NRG3: variants seen among roughly 807,000 people sequenced by gnomAD.
The protein encoded by NRG3 is neuregulin 3, also known as pro-neuregulin-3, membrane-bound isoform.
NRG3 carries 31 observed loss-of-function variants against 66.9 expected under a neutral mutation model. The observed-to-expected ratio is 0.46, with a 90% CI of 0.35 to 0.63. The LOEUF is 0.63. Ranked by LOEUF, NRG3 falls within the 20% of genes least tolerant of loss-of-function variation. NRG3 has a pLI of 0.00. For synonymous variants in NRG3, 393 were observed against 359.4 expected (o/e 1.09, Z -1.06); for missense variants, 910 against 878.9 (o/e 1.04, Z -0.45).
chr10:82,980,860 G>T (rs1392262539), intron 8 of NRG3, among the ~76,000 whole-genome samples: 1 of 152,164 alleles, frequency 6.6e-6, no homozygotes, highest in Admixed American at 6.5e-5. Flanking sequence ...AAGCAGGCTT[G>T]CATTTAACCC....
At chr10:82,305,086 C>T (rs1359029056) in intron 1 of NRG3, among the ~76,000 whole-genome samples, 1 of 145,976 alleles carries the variant, frequency 6.9e-6, no homozygotes, top group East Asian at 2.1e-4. Context: ...GCTCCGCCTC[C>T]TGGGTTCACG....
At chr10:82,314,217 C>T (rs932012144) in intron 1 of NRG3, among the ~76,000 whole-genome samples, 2 of 152,174 alleles carry the variant, frequency 1.3e-5, no homozygotes, top group African/African-American at 4.8e-5. Context: ...CTCTCATTAG[C>T]TTGACAACAG....
intron 2 of NRG3, among the ~76,000 whole-genome samples, chr10:82,453,752 T>G (rs2091138615): frequency 6.6e-6 from 1 of 150,946 alleles, no homozygotes. Context: ...GGTGAGTTAT[T>G]TAACGGTCTT....
chr10:82,571,578 C>G (rs1054125029), intron 2 of NRG3, among the ~76,000 whole-genome samples: 1 of 151,534 alleles, frequency 6.6e-6, no homozygotes, highest in African/African-American at 2.4e-5. Context: ...AAAAGAATAG[C>G]GAGATACTTC....
In NRG3 at chr10:82,725,637, T is replaced by C. The variant is rs1045195011; in HGVS notation, c.954-12940T>C. On this transcript the variant is annotated intron_variant, in intron 2 of 8. Coordinates refer to ENST00000372141, the MANE Select transcript of NRG3 (RefSeq NM_001010848.4). ...CCAACATAGGTAAAATTGATGGATTTAGCAAATAAAATACAGTACACCTGT... is the reference window on the plus strand; with the variant it reads ...CCAACATAGGTAAAATTGATGGATTCAGCAAATAAAATACAGTACACCTGT... Among the ~76,000 whole-genome samples, 25 of 152,310 alleles carry C rather than the reference T, an allele frequency of 1.6e-4. No homozygotes were observed. In the South Asian group the frequency reaches 2.5e-3, roughly 15 times the overall value.
Position 82,650,844 on chromosome 10 carries a change from AG to A in NRG3, c.954-87730del, listed in dbSNP as rs199914699. Among the ~76,000 whole-genome samples the A allele has an allele frequency of 5.3e-3, 804 of 152,326 alleles. 23 individuals carry two copies. The highest frequency in any genetic ancestry group is 0.044 in the Admixed American group (666 of 15,292). The stretch of plus-strand genomic sequence containing the variant: ...AGCTTTTATAAAAGAAGCAGATGCC[AG>A]GGCCCCACCTACAGAGATCTGACAG... On this transcript the variant is annotated intron_variant, in intron 2 of 8. Coordinates refer to ENST00000372141, the MANE Select transcript of NRG3 (RefSeq NM_001010848.4).
intron 1 of NRG3, among the ~76,000 whole-genome samples, chr10:82,126,324 A>AT (rs1310188901): frequency 6.6e-6 from 1 of 152,066 alleles, no homozygotes; most frequent in Non-Finnish European, 1.5e-5. Flanking sequence ...AGTAAATTTA[A>AT]TTTTTTTCTA....
intron 1 of NRG3, among the ~76,000 whole-genome samples, chr10:82,057,502 C>T (rs1209793969): frequency 6.6e-6 from 1 of 151,874 alleles, no homozygotes; most frequent in African/African-American, 2.4e-5. Flanking sequence ...ATCTTTGATC[C>T]TTTGAAATTG....
At chr10:82,392,091 G>A (rs2086413075) in intron 2 of NRG3, among the ~76,000 whole-genome samples, 1 of 150,032 alleles carries the variant, frequency 6.7e-6, no homozygotes, top group South Asian at 2.1e-4. Context: ...GCCAATACAT[G>A]TAAAAGATTA....
intron 1 of NRG3, among the ~76,000 whole-genome samples, chr10:82,075,709 G>A (rs2065052559): frequency 6.6e-6 from 1 of 151,890 alleles, no homozygotes; most frequent in Admixed American, 6.6e-5. Flanking sequence ...TTTTCGAAGT[G>A]TATGCTGTGT....
chr10:81,935,527 T>G (rs955824940), intron 1 of NRG3, among the ~76,000 whole-genome samples: 1 of 152,178 alleles, frequency 6.6e-6, no homozygotes, highest in African/African-American at 2.4e-5. Context: ...TTTGTTATAG[T>G]GGCTAAAGTA....
intron 1 of NRG3, among the ~76,000 whole-genome samples, chr10:81,978,884 C>T (rs2060222947): frequency 6.6e-6 from 1 of 151,854 alleles, no homozygotes; most frequent in South Asian, 2.1e-4. Flanking sequence ...AGCATCTAGC[C>T]ATAATGTATT....
At chr10:82,236,710 C>CTTTTTT (rs370359467) in intron 1 of NRG3, among the ~76,000 whole-genome samples, 16 of 93,508 alleles carry the variant, frequency 1.7e-4, no homozygotes, top group East Asian at 3.5e-4. Flanking sequence ...AAAACTAGAA[C>CTTTTTT]TTTTTTTTTT....
chr10:82,380,167 G>A (rs572808990), intron 2 of NRG3, among the ~76,000 whole-genome samples: 1 of 151,852 alleles, frequency 6.6e-6, no homozygotes, highest in Non-Finnish European at 1.5e-5. Flanking sequence ...TTTACTTATG[G>A]CTTCAGGGAT....
At chr10:82,356,518 C>T (rs1471987319) in intron 1 of NRG3, among the ~76,000 whole-genome samples, 3 of 152,170 alleles carry the variant, frequency 2.0e-5, no homozygotes, top group Non-Finnish European at 2.9e-5. Flanking sequence ...CTGTTTATCA[C>T]GTACTGTCTT....
intron 1 of NRG3, among the ~76,000 whole-genome samples, chr10:81,925,692 T>G (rs1274741141): frequency 6.6e-6 from 1 of 152,180 alleles, no homozygotes; most frequent in Non-Finnish European, 1.5e-5. Context: ...GGTAGGAGCT[T>G]TAATGGCTAT....
intron 1 of NRG3, among the ~76,000 whole-genome samples, chr10:82,107,455 A>G (rs1325547272): frequency 6.6e-6 from 1 of 152,206 alleles, no homozygotes; most frequent in Non-Finnish European, 1.5e-5. Flanking sequence ...GTCACTTAGA[A>G]AGCATGTATT....
At chr10:82,020,776 C>T (rs1033705832) in intron 1 of NRG3, among the ~76,000 whole-genome samples, 1 of 152,076 alleles carries the variant, frequency 6.6e-6, no homozygotes, top group African/African-American at 2.4e-5. Flanking sequence ...GTCAATTTTC[C>T]TGAGTTCTAA....
intron 1 of NRG3, among the ~76,000 whole-genome samples, chr10:82,106,308 G>T (rs1002767229): frequency 3.9e-5 from 6 of 152,168 alleles, no homozygotes; most frequent in Non-Finnish European, 7.3e-5. Flanking sequence ...CAGTGTTGCT[G>T]AGCCAAGGGC....
Sources: allele counts gnomAD v4.1 joint callset (sites outside exome capture counted in the v4.1 genomes callset), GRCh38; gene constraint gnomAD v4.1.1; transcripts MANE v1.5; gene names NCBI Gene and HGNC (gene_info 2026-07-23, HGNC 2026-07-21).